Variants in PTPRT observed in about 807,000 individuals in gnomAD.
PTPRT encodes the protein protein tyrosine phosphatase receptor type T, also known as receptor-type tyrosine-protein phosphatase T.
A neutral mutation model predicts 176.8 loss-of-function variants in PTPRT; 56 were observed. The observed-to-expected ratio is 0.32, with a 90% CI of 0.26 to 0.40. PTPRT has a LOEUF of 0.40. PTPRT is among the 10% of genes least tolerant of loss of function. PTPRT has a pLI of 1.00. For missense variants in PTPRT, 1,540 were observed against 1,908.2 expected (o/e 0.81, Z 3.60); for synonymous variants, 783 against 739.0 (o/e 1.06, Z -0.96).
chr20:42,808,725 T>A (rs2077650780), intron 2 of PTPRT, among the ~76,000 whole-genome samples: 1 of 152,170 alleles, frequency 6.6e-6, no homozygotes, highest in South Asian at 2.1e-4. Context: ...GACTCAGACC[T>A]TTATCCACTA....
At chr20:42,677,122 G>A (rs1442657080) in intron 7 of PTPRT, among the ~76,000 whole-genome samples, 1 of 152,086 alleles carries the variant, frequency 6.6e-6, no homozygotes, top group Non-Finnish European at 1.5e-5. Flanking sequence ...AAGCTCTTAG[G>A]GACTAAGGTA....
chr20:42,962,341 C>T (rs530963021), intron 1 of PTPRT, among the ~76,000 whole-genome samples: 1 of 152,118 alleles, frequency 6.6e-6, no homozygotes, highest in Non-Finnish European at 1.5e-5. Context: ...CCTGTTGTTA[C>T]AGGTACCAGT....
chr20:42,971,280 C>G (rs1982622108), intron 1 of PTPRT: 1 of 152,192 alleles, frequency 6.6e-6, no homozygotes, highest in South Asian at 2.1e-4. Flanking sequence ...TTCAGAGAAG[C>G]AAGTTCCCCA....
intron 7 of PTPRT, among the ~76,000 whole-genome samples, chr20:42,474,545 A>G (rs2071253959): frequency 6.6e-6 from 1 of 152,204 alleles, no homozygotes. Context: ...CCTTTGGGCA[A>G]AGCAGAGCCA....
rs201153898 is a variant in PTPRT, at chr20:42,352,262, C to T, written c.1584G>A (p.Ser528=). The stretch of plus-strand genomic sequence containing the variant: ...TCGAGAGGTCAGCACTTGGGTCCAG[C>T]GAGCCGACAGCCTTGTAGTTGATCT... ...LYEINYKAVG[S]LDPSADLSSQ... is the part of the protein sequence containing the mutation. Residue 528 remains serine (S), a synonymous_variant, in exon 10 of 31, where the codon TCG becomes TCA. Transcript: ENST00000373187. The T allele has an allele frequency of 1.9e-3, 3,130 of 1,614,042 alleles. 11 individuals carry two copies. The highest frequency in any genetic ancestry group is 3.5e-3 in the Admixed American group (208 of 60,002).
intron 12 of PTPRT, among the ~76,000 whole-genome samples, chr20:42,296,165 AG>A (rs1344563581): frequency 6.6e-6 from 1 of 152,224 alleles, no homozygotes. Context: ...AGTGCTAAAT[AG>A]GCCAGGTGCC....
intron 7 of PTPRT, among the ~76,000 whole-genome samples, chr20:42,595,935 C>A (rs1407191438): frequency 1.3e-5 from 2 of 152,276 alleles, no homozygotes; most frequent in South Asian, 2.1e-4. Flanking sequence ...AATACCCCTG[C>A]CTACTTGTTC....
chr20:42,039,363 A>T, the PTPRT span, among the ~76,000 whole-genome samples: 1 of 152,196 alleles, frequency 6.6e-6, no homozygotes, highest in Non-Finnish European at 1.5e-5. Flanking sequence ...TTCTGTTAGC[A>T]ATTTTCAAAT....
At chr20:42,087,813 T>C (rs111282477) in intron 27 of PTPRT, among the ~76,000 whole-genome samples, 52,677 of 143,630 alleles carry the variant, frequency 0.37, 10,495 homozygotes, top group African/African-American at 0.55. Flanking sequence ...GCAGAGGTTG[T>C]AGTGGGTGGA....
chr20:43,044,696 T>C (rs1782044934), intron 1 of PTPRT, among the ~76,000 whole-genome samples: 1 of 152,156 alleles, frequency 6.6e-6, no homozygotes, highest in Non-Finnish European at 1.5e-5. Flanking sequence ...TCAGGAGGAT[T>C]AAATGCACCA....
At chr20:42,760,229 G>A (rs1011456549) in intron 5 of PTPRT, among the ~76,000 whole-genome samples, 1 of 152,170 alleles carries the variant, frequency 6.6e-6, no homozygotes, top group African/African-American at 2.4e-5. Flanking sequence ...GCACTTGCCT[G>A]CAAAGGGGAT....
intron 6 of PTPRT, among the ~76,000 whole-genome samples, chr20:42,751,262 C>T (rs979172034): frequency 6.6e-6 from 1 of 152,128 alleles, no homozygotes; most frequent in African/African-American, 2.4e-5. Context: ...GACCTCCCAA[C>T]TGTGGAGTGG....
At chr20:42,162,871 C>T (rs1989665006) in intron 16 of PTPRT, among the ~76,000 whole-genome samples, 1 of 152,214 alleles carries the variant, frequency 6.6e-6, no homozygotes, top group Admixed American at 6.5e-5. Flanking sequence ...CTCTACTTCT[C>T]GGCAGCAGCA....
chr20:42,747,557 A>G (rs951538459), intron 6 of PTPRT, among the ~76,000 whole-genome samples: 2 of 152,200 alleles, frequency 1.3e-5, no homozygotes, highest in Non-Finnish European at 2.9e-5. Flanking sequence ...GTGTTATTTC[A>G]GATAAGGTAA....
At chr20:42,186,523 A>T (rs1013574117) in intron 16 of PTPRT, among the ~76,000 whole-genome samples, 1 of 151,930 alleles carries the variant, frequency 6.6e-6, no homozygotes, top group Non-Finnish European at 1.5e-5. Context: ...TGAGAAGATT[A>T]TGGTGTCACG....
intron 2 of PTPRT, among the ~76,000 whole-genome samples, chr20:42,877,454 A>G (rs2078951989): frequency 6.6e-6 from 1 of 152,144 alleles, no homozygotes; most frequent in Non-Finnish European, 1.5e-5. Context: ...ATCAAGAAAC[A>G]GGGTTGGAGA....
At chr20:42,204,579 C>T (rs1203554463) in intron 15 of PTPRT, among the ~76,000 whole-genome samples, 2 of 152,188 alleles carry the variant, frequency 1.3e-5, no homozygotes, top group East Asian at 3.9e-4. Flanking sequence ...AAGTTTACTG[C>T]TTCTGACAGG....
Position 42,081,962 on chromosome 20 carries a change from T to A in PTPRT, c.4192A>T (p.Ile1398Phe). ...ACGTCAATGATGTTTTGCTGCTGGA[T>A]CATCTCACACACACTGCAGATGGCA... is the stretch of plus-strand genomic sequence containing the variant. Reference protein sequence around the residue: ...FCAICSVCEMIQQQNIIDVFH... With the variant: ...FCAICSVCEMFQQQNIIDVFH... The change falls in exon 30 of 31, where the codon ATC (isoleucine) becomes TTC (phenylalanine). Residue 1398 changes from isoleucine to phenylalanine, a missense_variant. Coordinates refer to ENST00000373187, the MANE Select transcript of PTPRT (RefSeq NM_007050.6). 2 of 1,614,242 alleles carry A rather than the reference T, an allele frequency of 1.2e-6. No homozygotes were observed. The highest frequency in any genetic ancestry group is 1.7e-6 in the Non-Finnish European group (2 of 1,180,048).
At chr20:42,831,191 A>G (rs3092755) in intron 2 of PTPRT, among the ~76,000 whole-genome samples, 12,937 of 152,222 alleles carry the variant, frequency 0.085, 685 homozygotes, top group Admixed American at 0.15. Flanking sequence ...CTATAGACCA[A>G]TGAAACGTAA....
Sources: allele counts gnomAD v4.1 joint callset (sites outside exome capture counted in the v4.1 genomes callset), GRCh38; gene constraint gnomAD v4.1.1; transcripts MANE v1.5; gene names NCBI Gene and HGNC (gene_info 2026-07-23, HGNC 2026-07-21).